Variants in PEX7 observed in about 807,000 individuals in gnomAD.
PEX7 encodes the protein peroxisomal biogenesis factor 7.
Under a neutral mutation model 47.5 loss-of-function variants are expected in PEX7, and 34 were observed. The ratio of observed to expected loss-of-function variants is 0.72; its 90% confidence interval spans 0.54 to 0.95. The LOEUF (loss-of-function observed/expected upper bound fraction) is 0.95. PEX7 is among the 40% of genes least tolerant of loss of function. The pLI is 0.00. For synonymous variants in PEX7, 141 were observed against 148.8 expected (o/e 0.95, Z 0.38); for missense variants, 394 against 400.3 (o/e 0.98, Z 0.13).
At chr6:136,903,844 T>A (rs9654642) in intron 9 of PEX7, among the ~76,000 whole-genome samples, 176 of 149,348 alleles carry the variant, frequency 1.2e-3, no homozygotes, top group Middle Eastern at 3.4e-3. Flanking sequence ...TTTTTTTTTT[T>A]AATTTTTTGT....
At chr6:136,864,331 A>G (rs1426348302) in intron 5 of PEX7, among the ~76,000 whole-genome samples, 1 of 152,128 alleles carries the variant, frequency 6.6e-6, no homozygotes, top group Non-Finnish European at 1.5e-5. Context: ...AAAAACACAC[A>G]TATTGAGAGC....
chr6:136,826,561 A>C (rs1269501448), intron 3 of PEX7, 92 bp downstream of exon 3: 1 of 1,448,088 alleles, frequency 6.9e-7, no homozygotes, highest in Non-Finnish European at 9.6e-7. Flanking sequence ...AAATATCTTC[A>C]GGGGACAAGT....
chr6:136,860,556 T>C (rs985175400), intron 5 of PEX7, among the ~76,000 whole-genome samples: 4 of 151,416 alleles, frequency 2.6e-5, no homozygotes, highest in South Asian at 2.1e-4. Context: ...TTAGGAGATA[T>C]ACCTAATGTT....
chr6:136,841,772 A>G (rs1421069420), intron 3 of PEX7, among the ~76,000 whole-genome samples: 2 of 151,526 alleles, frequency 1.3e-5, no homozygotes, highest in Non-Finnish European at 2.9e-5. Context: ...TTTTATAGAG[A>G]CGGGGGTCTC....
rs1488578901 is a variant in PEX7 at position 136,827,167 on chromosome 6, C to T, written c.339+698C>T. On this transcript the variant is annotated intron_variant, in intron 3 of 9. Coordinates refer to ENST00000318471, the MANE Select transcript of PEX7 (RefSeq NM_000288.4). ...ATTTTTGTCCACCACAGTGCCTGGC[C>T]CGAGAAGGCCCTCAATAAATGCTTA... Among the ~76,000 whole-genome samples the T allele has an allele frequency of 2.6e-5, 4 of 151,716 alleles. No homozygotes were observed. The East Asian group carries it at 7.7e-4, about 29-fold the overall frequency.
At position 136,913,465 on chromosome 6, in the gene PEX7, A is replaced by T. The variant is rs751429361; in HGVS notation, c.911A>T (p.Asp304Val). ...TTCATTTTTGTTTTCTAGGTGGCTGACTGTTCTTGGGATGAAACAATAAAG... is the reference window on the plus strand; with the variant it reads ...TTCATTTTTGTTTTCTAGGTGGCTGTCTGTTCTTGGGATGAAACAATAAAG... ...FSLQSPTQVADCSWDETIKIY... is the reference protein window; with the variant it reads ...FSLQSPTQVAVCSWDETIKIY... Residue 304 changes from aspartate to valine, a missense_variant, in exon 10 of 10, where the codon GAC (aspartate) becomes GTC (valine). Physicochemically the swap from Asp to Val is radical, Grantham distance 152. Coordinates refer to ENST00000318471, the MANE Select transcript of PEX7 (RefSeq NM_000288.4). The T allele has an allele frequency of 4.3e-6, 7 of 1,610,936 alleles. No individual in the cohort carries two copies. In the Admixed American group the frequency reaches 6.7e-5, roughly 15 times the overall value.
chr6:136,897,846 A>AT (rs1775678256), intron 8 of PEX7, among the ~76,000 whole-genome samples: 1 of 152,178 alleles, frequency 6.6e-6, no homozygotes, highest in Non-Finnish European at 1.5e-5. Flanking sequence ...ATATAAAAAC[A>AT]TTTTTTAAAT....
In PEX7 at chr6:136,900,782, T is replaced by G. The variant is rs1047344755; in HGVS notation, c.903+2541T>G. 6.0e-6 allele frequency: 2 copies of G among 335,452 alleles called. No individual in the cohort carries two copies. Among genetic ancestry groups the G allele is most frequent in the Non-Finnish European group, 1.1e-5 (2 of 175,604 alleles). The allele number at this position is 335,452 out of a possible 1,614,324, so 20.8% of individuals were successfully genotyped here. The stretch of plus-strand genomic sequence containing the variant: ...GCTTGAAGGACAGGTGGTCTCTTAG[T>G]GGGGACATCCCCTTTGCCAACAGCT... On this transcript the variant is annotated intron_variant, in intron 9 of 9. Coordinates refer to ENST00000318471, the MANE Select transcript of PEX7 (RefSeq NM_000288.4). This position sits in a 1 kb window ranked among gnomAD's most constrained non-coding sequence, Gnocchi z 4.2.
chr6:136,880,858 AG>A (rs1775364910), intron 8 of PEX7, among the ~76,000 whole-genome samples: 2 of 152,362 alleles, frequency 1.3e-5, no homozygotes, highest in South Asian at 4.1e-4. Context: ...ATTCAATACA[AG>A]CGGGCAGACA....
At chr6:136,854,644 G>A (rs1230549019) in intron 5 of PEX7, among the ~76,000 whole-genome samples, 1 of 152,134 alleles carries the variant, frequency 6.6e-6, no homozygotes. Context: ...AGTCCAAGTC[G>A]AATTAAAGTT....
chr6:136,892,751 ATAT>A (rs1775578804), intron 8 of PEX7, among the ~76,000 whole-genome samples: 1 of 152,234 alleles, frequency 6.6e-6, no homozygotes, highest in Non-Finnish European at 1.5e-5. Context: ...ATGCATGGAA[ATAT>A]TATGAGTACT....
chr6:136,911,060 G>A (rs1775925212), intron 9 of PEX7, among the ~76,000 whole-genome samples: 1 of 151,990 alleles, frequency 6.6e-6, no homozygotes, highest in Non-Finnish European at 1.5e-5. Flanking sequence ...AAATAGATAC[G>A]TCTGTGAAAT....
chr6:136,827,527 TG>T (rs1774216894), intron 3 of PEX7, among the ~76,000 whole-genome samples: 1 of 151,146 alleles, frequency 6.6e-6, no homozygotes, highest in Non-Finnish European at 1.5e-5. Flanking sequence ...TGTGTGTGTG[TG>T]TGTGTGTGTG....
At position 136,858,075 on chromosome 6, in the gene PEX7, C is replaced by G. The variant is rs1004666240; in HGVS notation, c.527-8552C>G. On this transcript the variant is annotated intron_variant, in intron 5 of 9. Coordinates refer to ENST00000318471, the MANE Select transcript of PEX7 (RefSeq NM_000288.4). ...AAGCAATCCTCCCGCCTTCAGCCTC[C>G]CAAAGTGCTGGGATTACAGGCATGA... 2.6e-5 allele frequency among the ~76,000 whole-genome samples: 4 copies of G among 152,200 alleles called. No individual in the cohort carries two copies. In the East Asian group the frequency reaches 7.7e-4, roughly 29 times the overall value.
Position 136,913,831 on chromosome 6 carries a change from C to T in PEX7, c.*305C>T, listed in dbSNP as rs567568009. On this transcript the variant is annotated 3_prime_UTR_variant, in exon 10 of 10. Coordinates refer to ENST00000318471, the MANE Select transcript of PEX7 (RefSeq NM_000288.4). Reference sequence around the variant, plus strand: ...AAATATGGGAGATCAGTAGGTTATACTTATATAGATAGTGATATATTTCAT... The same window carrying T: ...AAATATGGGAGATCAGTAGGTTATATTTATATAGATAGTGATATATTTCAT... 16 of 299,212 alleles carry T rather than the reference C, an allele frequency of 5.3e-5. No individual in the cohort carries two copies. The highest frequency in any genetic ancestry group is 8.7e-5 in the Non-Finnish European group (14 of 161,336). The allele number at this position is 299,212 out of a possible 1,614,324, so 18.5% of individuals were successfully genotyped here.
chr6:136,841,138 A>T (rs1303667381), intron 3 of PEX7, among the ~76,000 whole-genome samples: 1 of 152,150 alleles, frequency 6.6e-6, no homozygotes, highest in Non-Finnish European at 1.5e-5. Flanking sequence ...TGTTGAATAG[A>T]TGAGTGAATT....
rs1044491920 is a variant in PEX7, at chr6:136,904,782, C to T, written c.903+6541C>T. ...TTCCCATTCTCAGATATGTCTTTAT[C>T]AGCAGCGTGAAAATGGACTAATACA... On this transcript the variant is annotated intron_variant, in intron 9 of 9. Transcript: ENST00000318471. 2.0e-5 allele frequency among the ~76,000 whole-genome samples: 3 copies of T among 152,082 alleles called. No individual in the cohort carries two copies. In the East Asian group the frequency reaches 5.8e-4, roughly 29 times the overall value.
intron 3 of PEX7, among the ~76,000 whole-genome samples, chr6:136,835,284 AT>A (rs953487406): frequency 6.0e-5 from 8 of 133,710 alleles, no homozygotes; most frequent in Admixed American, 1.5e-4. Flanking sequence ...GCTTACAAAA[AT>A]TTTTTTTTCT....
Position 136,868,085 on chromosome 6 carries a change from C to T in PEX7, c.633+1352C>T, listed in dbSNP as rs114608206. ...TACAGAAAGCCTTACAATTGTGTTA[C>T]AGTAGCCTACAGTATTCAGTACAGT... On this transcript the variant is annotated intron_variant, in intron 6 of 9. Coordinates refer to ENST00000318471, the MANE Select transcript of PEX7 (RefSeq NM_000288.4). Among the ~76,000 whole-genome samples, 1,393 of 152,242 alleles carry T rather than the reference C, an allele frequency of 9.1e-3. 15 individuals are homozygous for T. The highest frequency in any genetic ancestry group is 0.032 in the African/African-American group (1,334 of 41,536).
Sources: allele counts gnomAD v4.1 joint callset (sites outside exome capture counted in the v4.1 genomes callset), GRCh38; gene constraint gnomAD v4.1.1; non-coding constraint Gnocchi (gnomAD v3.1); transcripts MANE v1.5; gene names NCBI Gene and HGNC (gene_info 2026-07-23, HGNC 2026-07-21).